PELI2: variants seen among roughly 807,000 people sequenced by gnomAD.
The protein encoded by PELI2 is pellino E3 ubiquitin protein ligase family member 2.
Under a neutral mutation model 42.3 loss-of-function variants are expected in PELI2, and 23 were observed. The observed-to-expected ratio is 0.54, with a 90% CI of 0.39 to 0.77. The LOEUF (loss-of-function observed/expected upper bound fraction) is 0.77, where lower values mean the gene tolerates loss of function less well. Among genes scored for constraint, PELI2 ranks in the 30% least tolerant of loss-of-function variants. The probability of loss-of-function intolerance (pLI) is 0.00; values close to 1 mark genes in which losing one functional copy is unlikely to be tolerated. For missense variants in PELI2, 463 were observed against 553.2 expected, an observed-to-expected ratio of 0.84 and a Z score of 1.64; for synonymous variants, 245 against 212.2, an observed-to-expected ratio of 1.15 and a Z score of -1.34.
intron 2 of PELI2, among the ~76,000 whole-genome samples, chr14:56,181,401 G>A (rs1355929474): frequency 7.3e-6 from 1 of 137,864 alleles, no homozygotes; most frequent in Non-Finnish European, 1.5e-5. Context: ...AAGAATGCCA[G>A]TAAATGTCAT....
chr14:56,257,504 ACTTTCT>A (rs1435530476), intron 2 of PELI2, among the ~76,000 whole-genome samples: 17 of 151,848 alleles, frequency 1.1e-4, no homozygotes, highest in African/African-American at 2.9e-4. Flanking sequence ...GGTGTACTGG[ACTTTCT>A]CTTTCTATAT....
intron 1 of PELI2, among the ~76,000 whole-genome samples, chr14:56,177,367 C>T (rs1885419324): frequency 6.6e-6 from 1 of 152,196 alleles, no homozygotes; most frequent in African/African-American, 2.4e-5. Flanking sequence ...CCTGCTGTCT[C>T]CTAACCTTGG....
At chr14:56,171,951 G>T (rs1381227569) in intron 1 of PELI2, among the ~76,000 whole-genome samples, 1 of 152,148 alleles carries the variant, frequency 6.6e-6, no homozygotes. Context: ...GAGAGGCGGA[G>T]GTTGTCGTGA....
chr14:56,189,887 G>A (rs551583379), intron 2 of PELI2, among the ~76,000 whole-genome samples: 171 of 152,268 alleles, frequency 1.1e-3, no homozygotes, highest in African/African-American at 3.9e-3. Context: ...TAAATTAGTT[G>A]AATATACTAA....
intron 1 of PELI2, among the ~76,000 whole-genome samples, chr14:56,162,860 A>G (rs900298501): frequency 1.3e-5 from 2 of 152,118 alleles, no homozygotes; most frequent in African/African-American, 2.4e-5. Context: ...TCTGATGATC[A>G]GTTATGTTGA....
intron 5 of PELI2, among the ~76,000 whole-genome samples, chr14:56,293,428 C>T (rs1056352304): frequency 5.3e-5 from 8 of 152,184 alleles, no homozygotes; most frequent in Non-Finnish European, 8.8e-5. Context: ...ATTGAATTGA[C>T]GACGTAACCT....
intron 2 of PELI2, among the ~76,000 whole-genome samples, chr14:56,213,478 T>C (rs1886783678): frequency 6.6e-6 from 1 of 152,106 alleles, no homozygotes; most frequent in Admixed American, 6.5e-5. Flanking sequence ...GGGCAGTTCC[T>C]GGAGACAGAA....
chr14:56,191,905 AGTGCAGTGGT>A, intron 2 of PELI2, among the ~76,000 whole-genome samples: 1 of 152,130 alleles, frequency 6.6e-6, no homozygotes, highest in East Asian at 1.9e-4. Flanking sequence ...CACACCCAGG[AGTGCAGTGGT>A]GTGATCTCGG....
chr14:56,259,687 C>T (rs553345926), intron 2 of PELI2, among the ~76,000 whole-genome samples: 1 of 152,246 alleles, frequency 6.6e-6, no homozygotes, highest in African/African-American at 2.4e-5. Context: ...ACCACACTTA[C>T]TTGTTTTGTT....
At chr14:56,138,021 C>A (rs1389537539) in intron 1 of PELI2, among the ~76,000 whole-genome samples, 1 of 152,144 alleles carries the variant, frequency 6.6e-6, no homozygotes, top group Non-Finnish European at 1.5e-5. Flanking sequence ...GCCTCTGTAT[C>A]CGTGGAGGAG....
chr14:56,144,529 A>G (rs1884037957), intron 1 of PELI2, among the ~76,000 whole-genome samples: 1 of 152,214 alleles, frequency 6.6e-6, no homozygotes, highest in South Asian at 2.1e-4. Flanking sequence ...AATAACATCT[A>G]CAAGATACCT....
At chr14:56,232,335 A>G (rs1313174632) in intron 2 of PELI2, among the ~76,000 whole-genome samples, 1 of 152,188 alleles carries the variant, frequency 6.6e-6, no homozygotes, top group East Asian at 1.9e-4. Context: ...AATATCCCTG[A>G]TGAACATTGA....
At chr14:56,135,838 A>G (rs1052835279) in intron 1 of PELI2, among the ~76,000 whole-genome samples, 1 of 152,234 alleles carries the variant, frequency 6.6e-6, no homozygotes, top group Admixed American at 6.5e-5. Flanking sequence ...CAGAAGAGGC[A>G]TGCTTTTGGA....
At chr14:56,174,670 G>C (rs1348964355) in intron 1 of PELI2, among the ~76,000 whole-genome samples, 1 of 152,164 alleles carries the variant, frequency 6.6e-6, no homozygotes, top group South Asian at 2.1e-4. Flanking sequence ...TCCTGTTGCC[G>C]TGAGAAGAAG....
intron 2 of PELI2, among the ~76,000 whole-genome samples, chr14:56,269,271 T>G (rs1019308411): frequency 9.9e-5 from 15 of 151,812 alleles, no homozygotes; most frequent in Non-Finnish European, 1.8e-4. Context: ...AGAAAACCCA[T>G]CTCTACAAAA....
chr14:56,178,279 AT>A, intron 1 of PELI2, 55 bp from the exon 2 acceptor site: 1 of 1,587,530 alleles, frequency 6.3e-7, no homozygotes, highest in South Asian at 1.1e-5. Flanking sequence ...TCTAACTTTT[AT>A]GTTTAAAGCT....
intron 2 of PELI2, among the ~76,000 whole-genome samples, chr14:56,230,236 T>G (rs1278762816): frequency 6.6e-6 from 1 of 152,080 alleles, no homozygotes; most frequent in Non-Finnish European, 1.5e-5. Flanking sequence ...TTCAAATTCA[T>G]GAAATACAGA....
intron 2 of PELI2, among the ~76,000 whole-genome samples, chr14:56,252,084 A>G (rs540381964): frequency 6.6e-6 from 1 of 152,328 alleles, no homozygotes; most frequent in African/African-American, 2.4e-5. Context: ...TGCTTCAATA[A>G]TTTGTTTGTT....
chr14:56,256,154 G>GC (rs1382604716), intron 2 of PELI2, among the ~76,000 whole-genome samples: 1 of 152,114 alleles, frequency 6.6e-6, no homozygotes, highest in African/African-American at 2.4e-5. Flanking sequence ...ACACTCAGGA[G>GC]CAGTGGCTCA....
Sources: allele counts gnomAD v4.1 joint callset (sites outside exome capture counted in the v4.1 genomes callset), GRCh38; gene constraint gnomAD v4.1.1; transcripts MANE v1.5; gene names NCBI Gene and HGNC (gene_info 2026-07-23, HGNC 2026-07-21).